Variants in ZFAND6 observed in about 807,000 individuals in gnomAD.
The protein encoded by ZFAND6 is zinc finger AN1-type containing 6.
In ZFAND6, 12 loss-of-function variants were observed where a neutral mutation model predicts 24.5. The ratio of observed to expected loss-of-function variants is 0.49; its 90% CI spans 0.31 to 0.79. ZFAND6 has a LOEUF of 0.79. ZFAND6 is among the 30% of genes least tolerant of loss of function. The pLI, the probability that ZFAND6 is intolerant of heterozygous loss-of-function variation, is 0.04. For synonymous variants in ZFAND6, 92 were observed against 81.5 expected, an observed-to-expected ratio of 1.13 and a Z score of -0.69; for missense variants, 207 against 245.9, an observed-to-expected ratio of 0.84 and a Z score of 1.06.
At chr15:80,114,160 C>T (rs767544478) in intron 2 of ZFAND6, among the ~76,000 whole-genome samples, 4 of 152,158 alleles carry the variant, frequency 2.6e-5, no homozygotes, top group South Asian at 2.1e-4. Context: ...CTATGTGCCA[C>T]ACACTATTTG....
chr15:80,068,102 C>T (rs1168955513), intron 1 of ZFAND6, among the ~76,000 whole-genome samples: 1 of 150,976 alleles, frequency 6.6e-6, no homozygotes, highest in African/African-American at 2.4e-5. Context: ...GCTGGGACTA[C>T]AGGCGAGCAC....
intron 1 of ZFAND6, among the ~76,000 whole-genome samples, chr15:80,096,887 TAAA>T (rs2038755063): frequency 6.6e-6 from 1 of 152,176 alleles, no homozygotes; most frequent in South Asian, 2.1e-4. Flanking sequence ...ACAGTTGTAT[TAAA>T]AAATGCAGGT....
At chr15:80,128,459 C>CAGTT (rs1346673705) in intron 5 of ZFAND6, among the ~76,000 whole-genome samples, 1 of 151,994 alleles carries the variant, frequency 6.6e-6, no homozygotes, top group Non-Finnish European at 1.5e-5. Flanking sequence ...TCAGTTCAGG[C>CAGTT]AGTTATATGT....
At chr15:80,115,284 T>C (rs1421206309) in intron 2 of ZFAND6, among the ~76,000 whole-genome samples, 2 of 152,212 alleles carry the variant, frequency 1.3e-5, no homozygotes, top group Admixed American at 6.5e-5. Flanking sequence ...ACGAATGTTA[T>C]GAACAGTCAA....
At chr15:80,119,979 G>GTA (rs1450379945) in intron 2 of ZFAND6, among the ~76,000 whole-genome samples, 1 of 152,170 alleles carries the variant, frequency 6.6e-6, no homozygotes, top group African/African-American at 2.4e-5. Flanking sequence ...AACTTATAAT[G>GTA]TATATCTCTT....
chr15:80,066,898 CAAAA>C (rs550502301), intron 1 of ZFAND6, among the ~76,000 whole-genome samples: 1 of 115,110 alleles, frequency 8.7e-6, no homozygotes, highest in African/African-American at 3.0e-5. Context: ...CTCCATCTCC[CAAAA>C]AAAAAAAAAA....
intron 2 of ZFAND6, among the ~76,000 whole-genome samples, chr15:80,102,087 C>T (rs973337690): frequency 2.0e-5 from 3 of 152,036 alleles, no homozygotes; most frequent in Admixed American, 6.6e-5. Flanking sequence ...TGAGCCACCA[C>T]GCCCGGCCAT....
rs1408744567 is a variant in ZFAND6 at position 80,098,512 on chromosome 15, G to A, written c.-84G>A. On this transcript the variant is annotated 5_prime_UTR_variant, in exon 2 of 7. Transcript: ENST00000261749. ...TTTTAAGTAGCTGCTTATGAGAATA[G>A]GGAAGGCAGAAAGCTAATGTCTGTC... The A allele has an allele frequency of 6.6e-6, 1 of 152,292 alleles. No homozygotes were observed. 9.4% of individuals were successfully genotyped at this position (152,292 alleles called of 1,614,324 possible).
chr15:80,120,299 G>A (rs1163097251), intron 2 of ZFAND6, 29 bp from the exon 3 acceptor site: 12 of 1,464,088 alleles, frequency 8.2e-6, no homozygotes, highest in Non-Finnish European at 1.0e-5. Context: ...ACGTGTCTGA[G>A]TTCTTTGCTA....
intron 1 of ZFAND6, among the ~76,000 whole-genome samples, chr15:80,072,046 T>C (rs187615856): frequency 5.3e-5 from 8 of 152,244 alleles, no homozygotes; most frequent in African/African-American, 1.2e-4. Context: ...CATTCAGTAT[T>C]TTAGTGCTGT....
chr15:80,093,428 CATG>C (rs965609268), intron 1 of ZFAND6, among the ~76,000 whole-genome samples: 1 of 151,876 alleles, frequency 6.6e-6, no homozygotes, highest in African/African-American at 2.4e-5. Context: ...AATCGGAAAA[CATG>C]AAGAAGTGAT....
intron 2 of ZFAND6, among the ~76,000 whole-genome samples, chr15:80,116,937 A>G (rs184076713): frequency 1.3e-5 from 2 of 152,346 alleles, no homozygotes; most frequent in East Asian, 3.9e-4. Flanking sequence ...TTCACTTTGA[A>G]TGGATCTTCT....
chr15:80,076,794 C>A (rs982670428), intron 1 of ZFAND6, among the ~76,000 whole-genome samples: 1 of 151,936 alleles, frequency 6.6e-6, no homozygotes, highest in African/African-American at 2.4e-5. Flanking sequence ...TTCCTTTTTT[C>A]CCTCACATCA....
chr15:80,121,644 T>A (rs1029217615), intron 3 of ZFAND6, 68 bp from the exon 4 acceptor site: 2 of 1,351,384 alleles, frequency 1.5e-6, no homozygotes, highest in Non-Finnish European at 2.1e-6. Context: ...GGATTTTGAT[T>A]TTTTTAGATA....
At chr15:80,111,491 A>G (rs1349687224) in intron 2 of ZFAND6, 2 of 455,744 alleles carry the variant, frequency 4.4e-6, no homozygotes, top group Non-Finnish European at 8.8e-6. Context: ...GTAGCCACCT[A>G]AGATAGGAAT....
intron 2 of ZFAND6, among the ~76,000 whole-genome samples, chr15:80,118,862 A>G (rs1185584017): frequency 4.6e-5 from 7 of 152,314 alleles, no homozygotes; most frequent in Admixed American, 6.5e-5. Flanking sequence ...CTACCCATCA[A>G]CAGTCTTCAG....
chr15:80,112,144 C>T (rs1295947076), intron 2 of ZFAND6, among the ~76,000 whole-genome samples: 1 of 152,070 alleles, frequency 6.6e-6, no homozygotes, highest in Non-Finnish European at 1.5e-5. Context: ...CCTGTATTCC[C>T]AGCTACATGG....
At chr15:80,073,416 G>T (rs530460901) in intron 1 of ZFAND6, 127 of 213,134 alleles carry the variant, frequency 6.0e-4, no homozygotes, top group African/African-American at 2.9e-3. Context: ...TTCAGTACAA[G>T]AATATTTTTT....
chr15:80,064,199 C>G (rs1456322706), intron 1 of ZFAND6, among the ~76,000 whole-genome samples: 1 of 152,190 alleles, frequency 6.6e-6, no homozygotes, highest in African/African-American at 2.4e-5. Context: ...GTCTGTCTTA[C>G]AATCACTGAA....
Sources: allele counts gnomAD v4.1 joint callset (sites outside exome capture counted in the v4.1 genomes callset), GRCh38; gene constraint gnomAD v4.1.1; transcripts MANE v1.5; gene names NCBI Gene and HGNC (gene_info 2026-07-23, HGNC 2026-07-21).